Variants in RNF150 observed in about 807,000 individuals in gnomAD.
RNF150 encodes ring finger protein 150.
In RNF150, 24 loss-of-function variants were observed where a neutral mutation model predicts 39.3. The observed-to-expected ratio is 0.61, with a 90% CI of 0.44 to 0.86. RNF150 has a LOEUF of 0.86. Ranked by LOEUF, RNF150 falls within the 40% of genes least tolerant of loss-of-function variation. The probability of loss-of-function intolerance (pLI) is 0.00; values close to 1 mark genes in which losing one functional copy is unlikely to be tolerated. For synonymous variants in RNF150, 255 were observed against 227.3 expected, an observed-to-expected ratio of 1.12 and a Z score of -1.10; for missense variants, 502 against 587.8, an observed-to-expected ratio of 0.85 and a Z score of 1.51.
intron 4 of RNF150, among the ~76,000 whole-genome samples, chr4:140,935,056 TTA>T (rs1414087405): frequency 1.1e-4 from 5 of 46,232 alleles, no homozygotes; most frequent in African/African-American, 5.1e-4. Context: ...AATATATATA[TTA>T]TATATATATA....
chr4:140,918,076 A>G (rs905539804), intron 5 of RNF150, among the ~76,000 whole-genome samples: 5 of 152,144 alleles, frequency 3.3e-5, no homozygotes, highest in Non-Finnish European at 7.4e-5. Context: ...CTAAATGCCC[A>G]CAAGAGAAAG....
At chr4:141,118,608 T>C (rs955005766) in intron 1 of RNF150, among the ~76,000 whole-genome samples, 2 of 152,166 alleles carry the variant, frequency 1.3e-5, no homozygotes, top group East Asian at 3.9e-4. Flanking sequence ...TTTTAAGCAA[T>C]ATGGTGGTTA....
chr4:141,024,730 G>C (rs1408121923), intron 1 of RNF150, among the ~76,000 whole-genome samples: 2 of 152,086 alleles, frequency 1.3e-5, no homozygotes, highest in African/African-American at 4.8e-5. Context: ...ATAAAATAAG[G>C]ATCATTTATA....
chr4:141,070,891 C>G (rs950621843), intron 1 of RNF150, among the ~76,000 whole-genome samples: 43 of 148,162 alleles, frequency 2.9e-4, no homozygotes, highest in African/African-American at 1.1e-3. Flanking sequence ...GGTATATACC[C>G]AAATGACTAT....
intron 1 of RNF150, among the ~76,000 whole-genome samples, chr4:141,015,058 C>T (rs186774312): frequency 2.2e-3 from 340 of 152,218 alleles, no homozygotes; most frequent in African/African-American, 8.0e-3. Context: ...GTATTCTCAA[C>T]ACCATTTATT....
At chr4:141,186,867 G>A (rs1235499088) in intron 1 of RNF150, among the ~76,000 whole-genome samples, 1 of 151,968 alleles carries the variant, frequency 6.6e-6, no homozygotes, top group African/African-American at 2.4e-5. Flanking sequence ...GTTCTGTTCT[G>A]ATCTTAGTTA....
intron 1 of RNF150, among the ~76,000 whole-genome samples, chr4:141,199,069 G>T (rs755532839): frequency 2.0e-5 from 3 of 152,074 alleles, no homozygotes; most frequent in African/African-American, 7.2e-5. Context: ...CAACAGATTT[G>T]AACAGACACT....
chr4:141,119,914 T>C (rs1003433899), intron 1 of RNF150, among the ~76,000 whole-genome samples: 4 of 152,214 alleles, frequency 2.6e-5, no homozygotes, highest in Non-Finnish European at 5.9e-5. Context: ...TTTTTAAGCA[T>C]TCAAATTAAA....
At chr4:140,908,563 G>T (rs1730478188) in intron 6 of RNF150, among the ~76,000 whole-genome samples, 1 of 151,860 alleles carries the variant, frequency 6.6e-6, no homozygotes, top group Non-Finnish European at 1.5e-5. Flanking sequence ...CTTTTCTTCT[G>T]TTATGAACAG....
intron 2 of RNF150, among the ~76,000 whole-genome samples, chr4:140,957,921 A>T (rs2111396960): frequency 1.3e-5 from 2 of 149,520 alleles, no homozygotes; most frequent in East Asian, 4.0e-4. Flanking sequence ...GAGGGATAGC[A>T]TTGGGAGATA....
At chr4:141,035,275 T>C (rs901150989) in intron 1 of RNF150, among the ~76,000 whole-genome samples, 4 of 152,180 alleles carry the variant, frequency 2.6e-5, no homozygotes, top group South Asian at 4.1e-4. Context: ...TTTGTTCATA[T>C]GTTATGAGTC....
intron 1 of RNF150, among the ~76,000 whole-genome samples, chr4:141,100,328 G>C (rs1252636465): frequency 6.6e-6 from 1 of 152,140 alleles, no homozygotes; most frequent in Non-Finnish European, 1.5e-5. Flanking sequence ...CAGAAGAACA[G>C]GTAAGGAGTT....
intron 1 of RNF150, among the ~76,000 whole-genome samples, chr4:141,002,881 T>A (rs1734718230): frequency 6.6e-6 from 1 of 152,186 alleles, no homozygotes; most frequent in African/African-American, 2.4e-5. Flanking sequence ...CTGTGACTTT[T>A]AAGCTTTTCA....
chr4:140,885,624 C>T (rs1359757279), intron 6 of RNF150, among the ~76,000 whole-genome samples: 14 of 150,996 alleles, frequency 9.3e-5, no homozygotes, highest in Admixed American at 2.6e-4. Context: ...TTAGTAGAGA[C>T]GGGGTTTCTC....
rs567619925 is a variant in RNF150 at position 140,919,741 on chromosome 4, C to G, written c.987+6236G>C. ...CCCGCATTGCCAAGCCAATCCTAAG[C>G]CAAAAGAACAAAGCTGGAGACATCA... On this transcript the variant is annotated intron_variant, in intron 5 of 6. Coordinates refer to ENST00000515673, the MANE Select transcript of RNF150 (RefSeq NM_020724.2). Among the ~76,000 whole-genome samples, 336 of 142,876 alleles carry G rather than the reference C, an allele frequency of 2.4e-3. 1 individual carries two copies. Among genetic ancestry groups the G allele is most frequent in the Non-Finnish European group, 3.8e-3 (242 of 64,410 alleles). 93.7% of individuals were successfully genotyped at this position (142,876 alleles called of 152,430 possible). A position where few individuals can be genotyped will look rare whatever the true frequency, so the allele number is the denominator to read the frequency against.
chr4:141,014,739 C>T (rs1156590515), intron 1 of RNF150, among the ~76,000 whole-genome samples: 2 of 152,066 alleles, frequency 1.3e-5, no homozygotes. Context: ...GGATATTAGC[C>T]CCTTATCAGA....
At chr4:141,058,376 T>C (rs1318729980) in intron 1 of RNF150, among the ~76,000 whole-genome samples, 1 of 152,098 alleles carries the variant, frequency 6.6e-6, no homozygotes, top group Non-Finnish European at 1.5e-5. Flanking sequence ...AATCTTCCTA[T>C]CCAGGGACTG....
chr4:141,066,707 T>C (rs1383316990), intron 1 of RNF150, among the ~76,000 whole-genome samples: 1 of 152,242 alleles, frequency 6.6e-6, no homozygotes, highest in Non-Finnish European at 1.5e-5. Context: ...TAATGTAGCC[T>C]GTTTGGTTGA....
intron 5 of RNF150, among the ~76,000 whole-genome samples, chr4:140,918,632 C>T (rs1049960965): frequency 3.9e-5 from 6 of 151,974 alleles, no homozygotes; most frequent in African/African-American, 1.2e-4. Context: ...ACCATTCCTT[C>T]TGAAACTATT....
Sources: gnomAD v4.1 joint callset for allele counts (sites outside exome capture counted in the v4.1 genomes callset) on GRCh38, gnomAD v4.1.1 for gene constraint, MANE v1.5 for transcripts, NCBI Gene and HGNC (gene_info 2026-07-23, HGNC 2026-07-21) for gene names.